RRP12: variants seen among roughly 807,000 people sequenced by gnomAD.
The protein encoded by RRP12 is ribosomal RNA processing 12 homolog.
RRP12 carries 78 observed loss-of-function variants against 157.3 expected under a neutral mutation model. That is an observed-to-expected ratio of 0.50 (90% confidence interval 0.41 to 0.60). The LOEUF is 0.60. RRP12 is among the 20% of genes least tolerant of loss of function. The pLI is 0.00. For missense variants in RRP12, 1,521 were observed against 1,679.9 expected (o/e 0.91, Z 1.65); for synonymous variants, 726 against 670.9 (o/e 1.08, Z -1.27).
Position 97,401,245 on chromosome 10 carries a change from T to G in RRP12, c.-14A>C, listed in dbSNP as rs1845139735. 6.2e-7 allele frequency: 1 copy of G among 1,613,886 alleles called. No individual in the cohort carries two copies. Among genetic ancestry groups the G allele is most frequent in the Non-Finnish European group, 8.5e-7 (1 of 1,179,926 alleles). On this transcript the variant is annotated 5_prime_UTR_variant, in exon 1 of 34. Coordinates refer to ENST00000370992, the MANE Select transcript of RRP12 (RefSeq NM_015179.4). ...CGAGCGACCCATGTTGACTAAGCCG[T>G]GGCGAGGAATGAGCTTAAATGACCG... is the stretch of plus-strand genomic sequence containing the variant.
chr10:97,391,710 A>G lies in RRP12; in HGVS notation c.531-866T>C, dbSNP rs1844809040. Reference sequence around the variant, plus strand: ...GCCGAGGCGGGTGGATCATGAGGTCAGGAGATCGAGACCATCCTGGCTAAC... The same window carrying G: ...GCCGAGGCGGGTGGATCATGAGGTCGGGAGATCGAGACCATCCTGGCTAAC... On this transcript the variant is annotated intron_variant, in intron 4 of 33. Coordinates refer to ENST00000370992, the MANE Select transcript of RRP12 (RefSeq NM_015179.4). Among the ~76,000 whole-genome samples, 3 of 152,210 alleles carry G rather than the reference A, an allele frequency of 2.0e-5. No homozygotes were observed. The South Asian group carries it at 6.2e-4, about 31-fold the overall frequency.
intron 3 of RRP12, among the ~76,000 whole-genome samples, chr10:97,395,322 A>G (rs11189196): frequency 0.38 from 57,417 of 151,188 alleles, 11,352 homozygotes; most frequent in African/African-American, 0.49. Context: ...AGGCTGAGGT[A>G]GGGGGGATCA....
chr10:97,370,429 T>C lies in RRP12; in HGVS notation c.2689+26A>G, dbSNP rs750878505. On this transcript the variant is annotated intron_variant, in intron 23 of 33. Transcript: ENST00000370992. ...CCCCACCCAGTCTATGAGCAGAGTG[T>C]CCACCCCCAGCCCCCTGGGCCTCAC... is the stretch of plus-strand genomic sequence containing the variant. 2.6e-6 allele frequency: 4 copies of C among 1,534,278 alleles called. No homozygotes were observed. The South Asian group carries it at 3.5e-5, about 14-fold the overall frequency.
At chr10:97,398,027 A>T (rs1408557515) in intron 2 of RRP12, among the ~76,000 whole-genome samples, 13 of 98,366 alleles carry the variant, frequency 1.3e-4, no homozygotes, top group African/African-American at 5.7e-4. Context: ...ATATATGTAT[A>T]TATATATACG....
chr10:97,381,990 C>T (rs575657719), intron 10 of RRP12, among the ~76,000 whole-genome samples, 164 bp from the exon 11 acceptor site: 16 of 152,206 alleles, frequency 1.1e-4, no homozygotes, highest in Non-Finnish European at 2.2e-4. Flanking sequence ...AAGGCACTAT[C>T]GTTCAAGTAA....
chr10:97,399,672 T>C (rs1172183514), intron 2 of RRP12, among the ~76,000 whole-genome samples: 1 of 150,830 alleles, frequency 6.6e-6, no homozygotes, highest in African/African-American at 2.4e-5. Context: ...CTGGCTAACA[T>C]GGTGAAACCC....
chr10:97,370,801 G>A lies in RRP12; in HGVS notation c.2503-5C>T. The stretch of plus-strand genomic sequence containing the variant: ...TAGGAGGCACTTCAAACGGGGCTGT[G>A]GGCAAAGGGCTACCAGTCAGGACCC... On this transcript the variant is annotated splice_polypyrimidine_tract_variant and splice_region_variant and intron_variant, in intron 21 of 33. Transcript: ENST00000370992. The A allele has an allele frequency of 6.2e-7, 1 of 1,613,604 alleles. No homozygotes were observed.
intron 3 of RRP12, among the ~76,000 whole-genome samples, chr10:97,395,586 C>G (rs1430858797): frequency 6.6e-6 from 1 of 151,472 alleles, no homozygotes; most frequent in Non-Finnish European, 1.5e-5. Flanking sequence ...CCTGGTGGCT[C>G]AGGCCTATAA....
intron 24 of RRP12, among the ~76,000 whole-genome samples, chr10:97,369,849 T>C (rs1844092789): frequency 6.6e-6 from 1 of 152,262 alleles, no homozygotes; most frequent in Non-Finnish European, 1.5e-5. Flanking sequence ...CTCATGTGGT[T>C]GCCAAGAGGC....
At chr10:97,382,264 C>A (rs1174441473) in intron 10 of RRP12, among the ~76,000 whole-genome samples, 1 of 152,118 alleles carries the variant, frequency 6.6e-6, no homozygotes, top group Non-Finnish European at 1.5e-5. Context: ...CCCACCTCAG[C>A]CTCCTGAGTA....
intron 30 of RRP12, among the ~76,000 whole-genome samples, chr10:97,362,519 C>A (rs1313480494): frequency 6.6e-6 from 1 of 152,140 alleles, no homozygotes; most frequent in Non-Finnish European, 1.5e-5. Context: ...CAGACGACTG[C>A]CATCACCTGG....
chr10:97,372,581 G>A (rs557665592), intron 19 of RRP12, among the ~76,000 whole-genome samples, 155 bp downstream of exon 19: 1 of 152,120 alleles, frequency 6.6e-6, no homozygotes, highest in Non-Finnish European at 1.5e-5. Flanking sequence ...CAGGAAGAAG[G>A]AACTAGTCAG....
chr10:97,372,956 G>A (rs569045377), intron 18 of RRP12, 90 bp downstream of exon 18: 33 of 1,462,344 alleles, frequency 2.3e-5, no homozygotes, highest in African/African-American at 2.1e-4. Context: ...AGAGACCCAC[G>A]TGAGCCCTGG....
In RRP12 at chr10:97,379,331, G is replaced by C; in HGVS notation, c.1760C>G (p.Thr587Ser). The part of the protein sequence containing the change: ...VQETRLGFFT[T>S]YFLPLANTLK... The stretch of plus-strand genomic sequence containing the variant: ...GGTGTTAGCCAGGGGCAAGAAGTAG[G>C]TGGTGAAAAAACCAAGTCGCGTTTC... The change falls in exon 15 of 34, where the codon ACC becomes AGC. Residue 587 changes from threonine to serine, a missense_variant. Coordinates refer to ENST00000370992, the MANE Select transcript of RRP12 (RefSeq NM_015179.4). 6.2e-7 allele frequency: 1 copy of C among 1,614,184 alleles called. No individual in the cohort carries two copies. The highest frequency in any genetic ancestry group is 1.3e-5 in the African/African-American group (1 of 75,074).
At chr10:97,379,975 T>C (rs1189732191) in intron 13 of RRP12, among the ~76,000 whole-genome samples, 1 of 152,210 alleles carries the variant, frequency 6.6e-6, no homozygotes, top group African/African-American at 2.4e-5. Context: ...TTTAACAACA[T>C]GTAAAAATTA....
chr10:97,399,980 G>A (rs1295361976), intron 2 of RRP12, among the ~76,000 whole-genome samples: 5 of 152,124 alleles, frequency 3.3e-5, no homozygotes, highest in South Asian at 2.1e-4. Flanking sequence ...TAGATAAAAC[G>A]TTTCCTAATC....
In RRP12 at chr10:97,356,815, T is replaced by C; in HGVS notation, c.*279A>G. 2.8e-6 allele frequency: 1 copy of C among 362,246 alleles called. No individual in the cohort carries two copies. Among genetic ancestry groups the C allele is most frequent in the Non-Finnish European group, 4.9e-6 (1 of 202,276 alleles). 22.4% of individuals were successfully genotyped at this position (362,246 alleles called of 1,614,324 possible). A position where few individuals can be genotyped will look rare whatever the true frequency, so the allele number is the denominator to read the frequency against. On this transcript the variant is annotated 3_prime_UTR_variant, in exon 34 of 34. Coordinates refer to ENST00000370992, the MANE Select transcript of RRP12 (RefSeq NM_015179.4). ...CGGAAATGGAGATCATCTGTTCTGG[T>C]GCTCATGGCCACTCTGGGCAGAAAG...
At position 97,380,943 on chromosome 10, in the gene RRP12, C is replaced by T. The variant is rs1240854541; in HGVS notation, c.1419-30G>A. ...CAAGGGGGCGGCACAGTCAGGGCCA[C>T]GGTCACACCACCCTGTGCCCCCCAC... On this transcript the variant is annotated intron_variant, in intron 12 of 33. Transcript: ENST00000370992. 6.6e-6 allele frequency: 10 copies of T among 1,524,874 alleles called. No homozygotes were observed. The Admixed American group carries it at 6.7e-5, about 10-fold the overall frequency. The allele number at this position is 1,524,874 out of a possible 1,614,324, so 94.5% of individuals were successfully genotyped here. A position where few individuals can be genotyped will look rare whatever the true frequency, so the allele number is the denominator to read the frequency against.
At chr10:97,399,145 C>T (rs539456806) in intron 2 of RRP12, among the ~76,000 whole-genome samples, 5 of 152,014 alleles carry the variant, frequency 3.3e-5, no homozygotes, top group East Asian at 3.9e-4. Flanking sequence ...TGGTGGCGCA[C>T]GCCTCTAATC....
Sources: gnomAD v4.1 joint callset for allele counts (sites outside exome capture counted in the v4.1 genomes callset) on GRCh38, gnomAD v4.1.1 for gene constraint, MANE v1.5 for transcripts, NCBI Gene and HGNC (gene_info 2026-07-23, HGNC 2026-07-21) for gene names.